Variants in IGBP1 observed in about 807,000 individuals in gnomAD.
IGBP1 encodes immunoglobulin-binding protein 1.
IGBP1 carries 2 observed loss-of-function variants against 25.9 expected under a neutral mutation model. The ratio of observed to expected loss-of-function variants is 0.08; its 90% CI spans 0.03 to 0.24. The LOEUF (loss-of-function observed/expected upper bound fraction) is 0.24. Among genes scored for constraint, IGBP1 ranks in the 10% least tolerant of loss-of-function variants. The probability of loss-of-function intolerance (pLI) is 1.00; values close to 1 mark genes in which losing one functional copy is unlikely to be tolerated. For synonymous variants in IGBP1, 96 were observed against 93.4 expected (o/e 1.03, Z -0.16); for missense variants, 187 against 260.4 (o/e 0.72, Z 1.94).
chrX:70,138,084 C>T (rs1369421618), intron 3 of IGBP1, among the ~76,000 whole-genome samples: 5 of 110,021 alleles, frequency 4.5e-5, no homozygotes, highest in Admixed American at 9.7e-5. Flanking sequence ...TGCAGTGAGC[C>T]GAGACTGCGC....
At chrX:70,161,744 G>T (rs1462854221) in intron 6 of IGBP1, among the ~76,000 whole-genome samples, 1 of 111,132 alleles carries the variant, frequency 9.0e-6, no homozygotes, top group African/African-American at 3.3e-5. Flanking sequence ...CTGTATGCAT[G>T]TCACTTTCAC....
Position 70,166,046 on chromosome X carries a change from C to T in IGBP1, c.*65C>T, listed in dbSNP as rs2085296205. Reference sequence around the variant, plus strand: ...CCCTGCCAAGGAAAACCATGCAGTCCTCCCCTCCCTGGTCTCCTGCTTCAG... The same window carrying T: ...CCCTGCCAAGGAAAACCATGCAGTCTTCCCCTCCCTGGTCTCCTGCTTCAG... On this transcript the variant is annotated 3_prime_UTR_variant, in exon 7 of 7. Coordinates refer to ENST00000356413, the MANE Select transcript of IGBP1 (RefSeq NM_001551.3). 1.9e-6 allele frequency: 2 copies of T among 1,075,750 alleles called. No individual in the cohort carries two copies. The highest frequency in any genetic ancestry group is 2.6e-6 in the Non-Finnish European group (2 of 780,018). 88.7% of individuals were successfully genotyped at this position (1,075,750 alleles called of 1,213,427 possible).
At chrX:70,134,270 T>C in intron 2 of IGBP1, 135 bp downstream of exon 2, 1 of 587,492 alleles carries the variant, frequency 1.7e-6, no homozygotes, top group East Asian at 3.5e-5. Flanking sequence ...CGATCTTGTG[T>C]ACATTGTTTA....
chrX:70,143,064 A>T (rs1395421776), intron 3 of IGBP1, among the ~76,000 whole-genome samples: 2 of 108,770 alleles, frequency 1.8e-5, no homozygotes, highest in Admixed American at 9.8e-5. Flanking sequence ...CTGGGACTAC[A>T]GGCGCCCACC....
intron 3 of IGBP1, among the ~76,000 whole-genome samples, chrX:70,137,751 C>CAAAAAAAAAAAA (rs752550128): frequency 4.6e-5 from 1 of 21,731 alleles, no homozygotes; most frequent in African/African-American, 1.5e-4. Flanking sequence ...AATAATTATA[C>CAAAAAAAAAAAA]AAAAAAAAAA....
intron 2 of IGBP1, 111 bp from the exon 3 acceptor site, chrX:70,134,412 C>G: frequency 1.2e-6 from 1 of 823,311 alleles, no homozygotes; most frequent in Non-Finnish European, 1.8e-6. Context: ...TTCCCCGTGC[C>G]TCCTCCCTCT....
At chrX:70,150,855 C>T (rs2147581043) in intron 6 of IGBP1, among the ~76,000 whole-genome samples, 1 of 111,152 alleles carries the variant, frequency 9.0e-6, no homozygotes, top group South Asian at 3.8e-4. Flanking sequence ...TTGGAATTGT[C>T]TTTGGAAGGG....
In IGBP1 at chrX:70,133,519, A is replaced by G; in HGVS notation, c.-247A>G. The stretch of plus-strand genomic sequence containing the variant: ...GGCGGCTAGAGTCCCTGGACTCCTC[A>G]ACCTAGGGAGCTACTCGCGAGGTAA... On this transcript the variant is annotated 5_prime_UTR_variant, in exon 1 of 7. Coordinates refer to ENST00000356413, the MANE Select transcript of IGBP1 (RefSeq NM_001551.3). 1 of 322,436 alleles carries G rather than the reference A, an allele frequency of 3.1e-6. No individual in the cohort carries two copies. Among genetic ancestry groups the G allele is most frequent in the Non-Finnish European group, 5.4e-6 (1 of 185,975 alleles). The allele number at this position is 322,436 out of a possible 1,213,427, so 26.6% of individuals were successfully genotyped here. A position where few individuals can be genotyped will look rare whatever the true frequency, so the allele number is the denominator to read the frequency against.
rs776526478 is a variant in IGBP1 at position 70,133,980 on chromosome X, G to A, written c.33G>A (p.Arg11=). The change falls in exon 2 of 7, where the codon CGG becomes CGA. Residue 11 remains arginine, a synonymous_variant. Coordinates refer to ENST00000356413, the MANE Select transcript of IGBP1 (RefSeq NM_001551.3). MAAEDELQLP[R]LPELFETGRQ... is the part of the protein sequence containing the mutation. Reference sequence around the variant, plus strand: ...CTGAGGACGAGTTACAGCTGCCGCGGCTCCCCGAGCTGTTCGAAACTGGTA... The same window carrying A: ...CTGAGGACGAGTTACAGCTGCCGCGACTCCCCGAGCTGTTCGAAACTGGTA... 1 of 1,211,300 alleles carries A rather than the reference G, an allele frequency of 8.3e-7. No homozygotes were observed. The highest frequency in any genetic ancestry group is 2.2e-5 in the Admixed American group (1 of 46,037).
chrX:70,133,902 C>T lies in IGBP1; in HGVS notation c.-46C>T, dbSNP rs765521213. 8.7e-7 allele frequency: 1 copy of T among 1,144,937 alleles called. No homozygotes were observed. The highest frequency in any genetic ancestry group is 1.2e-6 in the Non-Finnish European group (1 of 840,598). 94.4% of individuals were successfully genotyped at this position (1,144,937 alleles called of 1,213,427 possible). On this transcript the variant is annotated 5_prime_UTR_variant, in exon 2 of 7. Transcript: ENST00000356413. The stretch of plus-strand genomic sequence containing the variant: ...GCCTAATTCTTCTTTATCAAGGTTG[C>T]CTTTGACCCCGGAAAAGAGATCTTC...
rs1172242665 is a variant in IGBP1 at position 70,134,504 on chromosome X, C to T, written c.189-19C>T. 7.5e-6 allele frequency: 9 copies of T among 1,206,891 alleles called. No individual in the cohort carries two copies. The highest frequency in any genetic ancestry group is 1.0e-5 in the Non-Finnish European group (9 of 892,765). On this transcript the variant is annotated intron_variant, in intron 2 of 6. Coordinates refer to ENST00000356413, the MANE Select transcript of IGBP1 (RefSeq NM_001551.3). Reference sequence around the variant, plus strand: ...TGAATGCCTAGTCAGGCTTCACTGCCTCCTTTTTGCTCTTCCAGCCGAAAT... The same window carrying T: ...TGAATGCCTAGTCAGGCTTCACTGCTTCCTTTTTGCTCTTCCAGCCGAAAT...
At chrX:70,144,575 G>A (rs1474363075) in intron 3 of IGBP1, among the ~76,000 whole-genome samples, 1 of 105,527 alleles carries the variant, frequency 9.5e-6, no homozygotes, top group Non-Finnish European at 1.9e-5. Flanking sequence ...TATAGTAAAT[G>A]TCCACTTGTT....
intron 6 of IGBP1, among the ~76,000 whole-genome samples, chrX:70,162,353 G>A (rs1474503882): frequency 8.9e-6 from 1 of 112,111 alleles, no homozygotes; most frequent in Non-Finnish European, 1.9e-5. Context: ...CAGGTCATCA[G>A]AATGAAGGAA....
chrX:70,158,254 G>A (rs376153039), intron 6 of IGBP1, among the ~76,000 whole-genome samples: 2 of 111,684 alleles, frequency 1.8e-5, no homozygotes, highest in Non-Finnish European at 3.8e-5. Flanking sequence ...TTGATCCACC[G>A]GTCTCCCTTC....
Position 70,134,510 on chromosome X carries a change from T to C in IGBP1, c.189-13T>C. 8.3e-7 allele frequency: 1 copy of C among 1,208,355 alleles called. No individual in the cohort carries two copies. The highest frequency in any genetic ancestry group is 1.1e-6 in the Non-Finnish European group (1 of 893,830). On this transcript the variant is annotated splice_polypyrimidine_tract_variant and intron_variant, in intron 2 of 6. Coordinates refer to ENST00000356413, the MANE Select transcript of IGBP1 (RefSeq NM_001551.3). ...CCTAGTCAGGCTTCACTGCCTCCTT[T>C]TTGCTCTTCCAGCCGAAATGAAGAT...
intron 6 of IGBP1, chrX:70,165,102 C>T (rs1372684365): frequency 8.9e-6 from 1 of 111,866 alleles, no homozygotes; most frequent in Non-Finnish European, 1.9e-5. Context: ...ATCAGATCCC[C>T]ACACATTTCA....
intron 6 of IGBP1, among the ~76,000 whole-genome samples, chrX:70,162,056 C>T (rs1233241746): frequency 1.8e-5 from 2 of 111,918 alleles, no homozygotes; most frequent in Non-Finnish European, 3.8e-5. Flanking sequence ...ACTCCTGCTT[C>T]AAGGAGGTGT....
At chrX:70,155,838 A>G (rs1321594560) in intron 6 of IGBP1, among the ~76,000 whole-genome samples, 1 of 112,054 alleles carries the variant, frequency 8.9e-6, no homozygotes, top group Admixed American at 9.5e-5. Flanking sequence ...AGATTTTAAA[A>G]GGGCATTTCC....
intron 6 of IGBP1, among the ~76,000 whole-genome samples, chrX:70,151,147 G>A (rs1019665382): frequency 9.0e-6 from 1 of 110,550 alleles, no homozygotes; most frequent in Admixed American, 9.6e-5. Flanking sequence ...TTTTAGTAGA[G>A]ATGGGGTTTC....
Sources: gnomAD v4.1 joint callset for allele counts (sites outside exome capture counted in the v4.1 genomes callset) on GRCh38, gnomAD v4.1.1 for gene constraint, MANE v1.5 for transcripts, NCBI Gene and HGNC (gene_info 2026-07-23, HGNC 2026-07-21) for gene names.